Variants in RNFT2 observed in about 807,000 individuals in gnomAD.
The protein encoded by RNFT2 is E3 ubiquitin-protein ligase RNFT2.
RNFT2 carries 36 observed loss-of-function variants against 53.0 expected under a neutral mutation model. That is an observed-to-expected ratio of 0.68 (90% CI 0.52 to 0.90). The LOEUF (loss-of-function observed/expected upper bound fraction) is 0.90. RNFT2 is among the 40% of genes least tolerant of loss of function. The pLI, the probability that RNFT2 is intolerant of heterozygous loss-of-function variation, is 0.00. For synonymous variants in RNFT2, 260 were observed against 253.2 expected (o/e 1.03, Z -0.26); for missense variants, 514 against 585.6 (o/e 0.88, Z 1.26).
chr12:116,832,942 T>C (rs1330228924), intron 7 of RNFT2, among the ~76,000 whole-genome samples: 1 of 142,420 alleles, frequency 7.0e-6, no homozygotes, highest in Non-Finnish European at 1.5e-5. Context: ...TCTTGCTCTG[T>C]TGCCCAGGCT....
At chr12:116,834,850 C>CTTTTT (rs140178133) in intron 8 of RNFT2, among the ~76,000 whole-genome samples, 2 of 136,686 alleles carry the variant, frequency 1.5e-5, no homozygotes, top group African/African-American at 5.4e-5. Context: ...ATTATTACTC[C>CTTTTT]TTTTTTTTTT....
chr12:116,852,211 C>G lies in RNFT2; in HGVS notation c.*2763C>G, dbSNP rs938799886. The G allele has an allele frequency of 3.9e-6, 5 of 1,269,872 alleles. No homozygotes were observed. The Admixed American group carries it at 1.5e-4, about 37-fold the overall frequency. 78.7% of individuals were successfully genotyped at this position (1,269,872 alleles called of 1,614,324 possible). ...CAACAGGCTGGCGCCAATGGCATTA[C>G]AGAGAAAGCAATCTGTGTGGCTAGT... On this transcript the variant is annotated 3_prime_UTR_variant, in exon 11 of 11. Transcript: ENST00000257575.
chr12:116,761,117 G>A (rs560544160), intron 5 of RNFT2, among the ~76,000 whole-genome samples: 3 of 152,098 alleles, frequency 2.0e-5, no homozygotes, highest in East Asian at 1.9e-4. Context: ...CCTTTACGCC[G>A]CAGACATTCA....
chr12:116,817,963 T>C (rs1047467521), intron 7 of RNFT2, among the ~76,000 whole-genome samples: 2 of 152,290 alleles, frequency 1.3e-5, no homozygotes, highest in African/African-American at 2.4e-5. Flanking sequence ...CACGCAAATA[T>C]AGAACTTCAA....
At chr12:116,800,294 C>T (rs995144035) in intron 7 of RNFT2, among the ~76,000 whole-genome samples, 1 of 150,474 alleles carries the variant, frequency 6.6e-6, no homozygotes, top group Non-Finnish European at 1.5e-5. Flanking sequence ...GTCAGGAGTT[C>T]GAGACCAGCC....
intron 7 of RNFT2, among the ~76,000 whole-genome samples, chr12:116,788,117 G>A (rs898422914): frequency 6.6e-6 from 1 of 152,078 alleles, no homozygotes. Flanking sequence ...AGTAGAGATG[G>A]TGTTTCTCCA....
At chr12:116,753,879 A>G (rs2137079681) in intron 4 of RNFT2, 105 bp from the exon 5 acceptor site, 2 of 816,080 alleles carry the variant, frequency 2.5e-6, no homozygotes, top group Middle Eastern at 2.3e-4. Context: ...TCTTCTGTCA[A>G]CTCTGAGGGG....
chr12:116,806,411 T>TAGATAGATAGAC (rs1435667801), intron 7 of RNFT2, among the ~76,000 whole-genome samples: 4 of 150,242 alleles, frequency 2.7e-5, no homozygotes, highest in African/African-American at 7.4e-5. Flanking sequence ...GATAGATAGA[T>TAGATAGATAGAC]AGATAGATAG....
intron 7 of RNFT2, among the ~76,000 whole-genome samples, chr12:116,805,468 TTTGTTG>T (rs957787286): frequency 1.3e-5 from 2 of 151,996 alleles, no homozygotes; most frequent in Admixed American, 6.6e-5. Flanking sequence ...TGCTGCATTT[TTTGTTG>T]TTGTTGTTGT....
At chr12:116,819,379 G>T (rs906547576) in intron 7 of RNFT2, among the ~76,000 whole-genome samples, 11 of 152,030 alleles carry the variant, frequency 7.2e-5, no homozygotes, top group African/African-American at 2.7e-4. Flanking sequence ...ACCCGGAGCC[G>T]GCGGCGCGCA....
chr12:116,763,244 T>C lies in RNFT2; in HGVS notation c.628-3570T>C, dbSNP rs540465208. ...AATAGGCAATTCTCAAAAGAAGATA[T>C]ACAAATGGCCAACAAACTTATGAAA... On this transcript the variant is annotated intron_variant, in intron 5 of 10. Transcript: ENST00000257575. 2.2e-4 allele frequency among the ~76,000 whole-genome samples: 33 copies of C among 150,460 alleles called. No homozygotes were observed. In the East Asian group the frequency reaches 2.7e-3, roughly 12 times the overall value.
intron 3 of RNFT2, among the ~76,000 whole-genome samples, chr12:116,742,880 T>A (rs1227005963): frequency 6.6e-6 from 1 of 151,578 alleles, no homozygotes; most frequent in East Asian, 1.9e-4. Context: ...CCCAGAAGTT[T>A]GAGATCAGCC....
intron 6 of RNFT2, among the ~76,000 whole-genome samples, chr12:116,776,935 T>TTTTTA (rs1873456507): frequency 6.7e-6 from 1 of 150,194 alleles, no homozygotes; most frequent in Non-Finnish European, 1.5e-5. Flanking sequence ...TTTTTTTTTT[T>TTTTTA]GAGAAGGAGT....
At chr12:116,744,712 T>G in intron 3 of RNFT2, among the ~76,000 whole-genome samples, 1 of 152,194 alleles carries the variant, frequency 6.6e-6, no homozygotes, top group East Asian at 1.9e-4. Flanking sequence ...TAAGGAATAT[T>G]CTTTCCCAGT....
intron 6 of RNFT2, 77 bp downstream of exon 6, chr12:116,766,991 GAGAATGAGGCACA>G (rs1872944322): frequency 3.2e-6 from 3 of 943,328 alleles, no homozygotes; most frequent in Admixed American, 2.0e-5. Context: ...CCTTTCACTT[GAGAATGAGGCACA>G]AGCTCTATGT....
chr12:116,751,593 C>T lies in RNFT2; in HGVS notation c.550+1286C>T, dbSNP rs188574589. 1.1e-3 allele frequency among the ~76,000 whole-genome samples: 173 copies of T among 151,548 alleles called. 1 individual carries two copies. In the South Asian group the frequency reaches 0.012, roughly 10 times the overall value. ...TAATTTTTGTATTTTTTAGTAGGGACGGGGTTTCACCATGTTGGCCAGGTC... is the reference window on the plus strand; with the variant it reads ...TAATTTTTGTATTTTTTAGTAGGGATGGGGTTTCACCATGTTGGCCAGGTC... On this transcript the variant is annotated intron_variant, in intron 4 of 10. Coordinates refer to ENST00000257575, the MANE Select transcript of RNFT2 (RefSeq NM_001382266.1).
intron 7 of RNFT2, among the ~76,000 whole-genome samples, chr12:116,808,359 G>T (rs1875187920): frequency 6.6e-6 from 1 of 152,194 alleles, no homozygotes; most frequent in Admixed American, 6.5e-5. Context: ...CAATGTGCTG[G>T]AATTACAGGT....
intron 6 of RNFT2, among the ~76,000 whole-genome samples, chr12:116,775,291 G>T (rs540805930): frequency 7.6e-6 from 1 of 131,804 alleles, no homozygotes; most frequent in African/African-American, 2.9e-5. Context: ...AGAGAGAGAA[G>T]AGCAACATAG....
chr12:116,839,017 T>C (rs1877115481), intron 10 of RNFT2, among the ~76,000 whole-genome samples: 1 of 152,234 alleles, frequency 6.6e-6, no homozygotes, highest in Non-Finnish European at 1.5e-5. Context: ...ATTGAATGAA[T>C]GAACAAATGA....
Sources: gnomAD v4.1 joint callset for allele counts (sites outside exome capture counted in the v4.1 genomes callset) on GRCh38, gnomAD v4.1.1 for gene constraint, MANE v1.5 for transcripts, NCBI Gene and HGNC (gene_info 2026-07-23, HGNC 2026-07-21) for gene names.